The following HRH1 variants were observed in gnomAD, a reference collection of about 807,000 sequenced individuals.
HRH1 encodes histamine H1 receptor.
Under a neutral mutation model 10.3 loss-of-function variants are expected in HRH1, and 6 were observed. That is an observed-to-expected ratio of 0.58 (90% CI 0.32 to 1.15). The LOEUF is 1.15. HRH1 is among the 50% of genes most tolerant of loss of function. The pLI is 0.05. For missense variants in HRH1, 514 were observed against 615.3 expected, an observed-to-expected ratio of 0.84 and a Z score of 1.74; for synonymous variants, 242 against 236.7, an observed-to-expected ratio of 1.02 and a Z score of -0.21.
intron 1 of HRH1, among the ~76,000 whole-genome samples, chr3:11,230,165 T>G (rs942687360): frequency 6.6e-6 from 1 of 152,204 alleles, no homozygotes; most frequent in Non-Finnish European, 1.5e-5. Flanking sequence ...TGACACTGAC[T>G]GAAGTCCACT....
chr3:11,223,828 G>A (rs544713234), intron 1 of HRH1, among the ~76,000 whole-genome samples: 16 of 152,302 alleles, frequency 1.1e-4, no homozygotes, highest in Admixed American at 3.9e-4. Flanking sequence ...AGGGTTCAGC[G>A]TCACACAGCA....
At chr3:11,165,927 G>A (rs923016406) in intron 1 of HRH1, among the ~76,000 whole-genome samples, 31 of 152,194 alleles carry the variant, frequency 2.0e-4, no homozygotes, top group African/African-American at 6.3e-4. Context: ...TGTACTGAGC[G>A]TCTCCTGTGT....
chr3:11,219,637 C>T (rs563771755), intron 1 of HRH1, among the ~76,000 whole-genome samples: 2 of 141,030 alleles, frequency 1.4e-5, no homozygotes, highest in South Asian at 2.2e-4. Context: ...CGCTTGGACC[C>T]GGGAGGTGGA....
chr3:11,235,575 C>T (rs1367069472), intron 1 of HRH1, among the ~76,000 whole-genome samples: 2 of 152,194 alleles, frequency 1.3e-5, no homozygotes, highest in Non-Finnish European at 1.5e-5. Context: ...CTCACTGCTC[C>T]CCATGCACCC....
chr3:11,144,181 C>T (rs890197824), intron 1 of HRH1, among the ~76,000 whole-genome samples: 1 of 151,934 alleles, frequency 6.6e-6, no homozygotes, highest in Non-Finnish European at 1.5e-5. Context: ...ACCCTTTGAT[C>T]CAGCAATCTC....
Position 11,202,344 on chromosome 3 carries a change from G to T in HRH1, c.-36+47790G>T, listed in dbSNP as rs570880346. On this transcript the variant is annotated intron_variant, in intron 1 of 1. Transcript: ENST00000431010. ...CACTTGAACCCAAGAGGCAGAGGTTGCAGTGAGCCAAGATCACACCACTGC... is the reference window on the plus strand; with the variant it reads ...CACTTGAACCCAAGAGGCAGAGGTTTCAGTGAGCCAAGATCACACCACTGC... Among the ~76,000 whole-genome samples the T allele has an allele frequency of 2.8e-3, 432 of 151,818 alleles. 1 individual carries two copies. The highest frequency in any genetic ancestry group is 9.9e-3 in the African/African-American group (410 of 41,352).
intron 1 of HRH1, among the ~76,000 whole-genome samples, chr3:11,206,181 C>CTCGGCCCACTGCAACT (rs1938118067): frequency 1.3e-5 from 2 of 152,224 alleles, no homozygotes; most frequent in African/African-American, 2.4e-5. Flanking sequence ...ATGGTGCAAT[C>CTCGGCCCACTGCAACT]TCGGCCCACT....
At chr3:11,234,691 C>A in intron 1 of HRH1, 2 of 1,088,002 alleles carry the variant, frequency 1.8e-6, no homozygotes, top group Non-Finnish European at 1.4e-6. Context: ...GGCTGCAGCC[C>A]TGCCCTGAGA....
At chr3:11,220,634 T>G (rs1338027774) in intron 1 of HRH1, among the ~76,000 whole-genome samples, 1 of 152,154 alleles carries the variant, frequency 6.6e-6, no homozygotes, top group Non-Finnish European at 1.5e-5. Flanking sequence ...TCATGCTGGT[T>G]TTACCCTTCT....
chr3:11,192,808 C>G (rs1271138605), intron 1 of HRH1, among the ~76,000 whole-genome samples: 1 of 152,188 alleles, frequency 6.6e-6, no homozygotes, highest in East Asian at 1.9e-4. Context: ...CAACAGGCCA[C>G]CCATCCTAGA....
At chr3:11,231,928 T>A (rs7625260) in intron 1 of HRH1, among the ~76,000 whole-genome samples, 46 of 152,146 alleles carry the variant, frequency 3.0e-4, no homozygotes, top group African/African-American at 1.1e-3. Flanking sequence ...TTTCCTCTAA[T>A]GTGTTTTTCT....
chr3:11,151,607 C>CCCTCCTGAG (rs1936627299), upstream of HRH1, among the ~76,000 whole-genome samples: 1 of 152,108 alleles, frequency 6.6e-6, no homozygotes, highest in Non-Finnish European at 1.5e-5. Flanking sequence ...AAGCAATCCT[C>CCCTCCTGAG]CCTCCTGAGC....
At chr3:11,157,794 A>G (rs1936843879) in intron 1 of HRH1, among the ~76,000 whole-genome samples, 1 of 152,238 alleles carries the variant, frequency 6.6e-6, no homozygotes, top group African/African-American at 2.4e-5. Context: ...GTTAGAAACT[A>G]TCACATCCCA....
chr3:11,175,489 C>T (rs1218447973), intron 1 of HRH1, among the ~76,000 whole-genome samples: 1 of 152,170 alleles, frequency 6.6e-6, no homozygotes, highest in African/African-American at 2.4e-5. Context: ...AAATAGTTTG[C>T]AAAGCCCTCT....
intron 1 of HRH1, among the ~76,000 whole-genome samples, chr3:11,246,005 C>CACAT (rs71626310): frequency 4.0e-5 from 6 of 151,120 alleles, no homozygotes; most frequent in Middle Eastern, 3.4e-3. Flanking sequence ...CACACTTACA[C>CACAT]ATACACACAT....
At chr3:11,228,708 T>C (rs535898480) in intron 1 of HRH1, among the ~76,000 whole-genome samples, 1 of 152,064 alleles carries the variant, frequency 6.6e-6, no homozygotes, top group African/African-American at 2.4e-5. Context: ...CCTGAGGAGT[T>C]TGAGACCAGC....
intron 1 of HRH1, among the ~76,000 whole-genome samples, chr3:11,225,089 C>T (rs959281449): frequency 5.9e-5 from 9 of 152,154 alleles, no homozygotes; most frequent in African/African-American, 2.2e-4. Flanking sequence ...AAAGGGGGAG[C>T]AGGGCCAGGA....
chr3:11,228,006 G>A (rs1221766306), intron 1 of HRH1, among the ~76,000 whole-genome samples: 1 of 152,082 alleles, frequency 6.6e-6, no homozygotes, highest in Admixed American at 6.5e-5. Context: ...ATAATACCTG[G>A]TACCACATTA....
intron 1 of HRH1, among the ~76,000 whole-genome samples, chr3:11,209,104 T>TA (rs1220088714): frequency 2.0e-5 from 3 of 152,218 alleles, no homozygotes; most frequent in Non-Finnish European, 4.4e-5. Context: ...TTTGTGATGG[T>TA]AATTTTTTTA....
Sources: gnomAD v4.1 joint callset for allele counts (sites outside exome capture counted in the v4.1 genomes callset) on GRCh38, gnomAD v4.1.1 for gene constraint, MANE v1.5 for transcripts, NCBI Gene and HGNC (gene_info 2026-07-23, HGNC 2026-07-21) for gene names.